Variants in TRAK2 observed in about 807,000 individuals in gnomAD.
TRAK2 encodes the protein trafficking kinesin-binding protein 2.
A neutral mutation model predicts 104.6 loss-of-function variants in TRAK2; 81 were observed. That is an observed-to-expected ratio of 0.77 (90% CI 0.65 to 0.93). The LOEUF is 0.93. Among genes scored for constraint, TRAK2 ranks in the 40% least tolerant of loss-of-function variants. The pLI is 0.00. For synonymous variants in TRAK2, 406 were observed against 394.4 expected, an observed-to-expected ratio of 1.03 and a Z score of -0.35; for missense variants, 1,002 against 1,089.0, an observed-to-expected ratio of 0.92 and a Z score of 1.12.
chr2:201,421,825 G>T (rs922143573), intron 1 of TRAK2, among the ~76,000 whole-genome samples: 1 of 151,930 alleles, frequency 6.6e-6, no homozygotes, highest in Non-Finnish European at 1.5e-5. Context: ...GAGGTGGGCC[G>T]ATCACTTGAG....
At chr2:201,424,497 T>C (rs1406749117) in intron 1 of TRAK2, among the ~76,000 whole-genome samples, 1 of 152,124 alleles carries the variant, frequency 6.6e-6, no homozygotes, top group Non-Finnish European at 1.5e-5. Context: ...TGGCCACTAG[T>C]TTATAACTAT....
rs1338924371 is a variant in TRAK2 at position 201,384,185 on chromosome 2, C to T, written c.1995G>A (p.Ser665=). The T allele has an allele frequency of 1.1e-5, 18 of 1,613,274 alleles. No individual in the cohort carries two copies. Among genetic ancestry groups the T allele is most frequent in the East Asian group, 2.2e-5 (1 of 44,854 alleles). Residue 665 remains serine (S), a synonymous_variant, in exon 15 of 16, where the codon TCG becomes TCA. Transcript: ENST00000332624. The stretch of plus-strand genomic sequence containing the variant: ...TGAAAGTGAATGTTGAGTTTGTGCA[C>T]GACAGGCACTTTCCTGGGTTGGCGG... ...VATANPGKCL[S]CTNSTFTFTT...
intron 2 of TRAK2, chr2:201,412,095 G>T: frequency 5.4e-6 from 6 of 1,100,962 alleles, no homozygotes; most frequent in Non-Finnish European, 8.4e-6. Flanking sequence ...AGTTCAGGTG[G>T]AATTAATGTG....
rs531559167 is a variant in TRAK2 at position 201,402,415 on chromosome 2, TTAAAAG to T, written c.287-1327_287-1322del. ...TTATTAATAATAGCCTTATTCCTAG[TTAAAAG>T]TAAAACAAAGTGCTGGCTTGATGGT... is the stretch of plus-strand genomic sequence containing the variant. On this transcript the variant is annotated intron_variant, in intron 3 of 15. Transcript: ENST00000332624. Among the ~76,000 whole-genome samples the T allele has an allele frequency of 5.1e-3, 774 of 152,150 alleles. 7 individuals are homozygous for T. The highest frequency in any genetic ancestry group is 0.018 in the African/African-American group (750 of 41,528).
intron 1 of TRAK2, among the ~76,000 whole-genome samples, chr2:201,426,273 C>A (rs1029879334): frequency 1.3e-5 from 2 of 152,172 alleles, no homozygotes; most frequent in Non-Finnish European, 2.9e-5. Context: ...GTGAACTGCG[C>A]GTGCGAGGGA....
At chr2:201,445,056 C>G (rs1171842913) in intron 1 of TRAK2, among the ~76,000 whole-genome samples, 1 of 152,118 alleles carries the variant, frequency 6.6e-6, no homozygotes, top group Non-Finnish European at 1.5e-5. Flanking sequence ...TATAGATAAG[C>G]TCCAAGGACC....
intron 15 of TRAK2, among the ~76,000 whole-genome samples, chr2:201,383,647 G>A (rs556952028): frequency 3.3e-5 from 5 of 152,244 alleles, no homozygotes; most frequent in East Asian, 1.9e-4. Flanking sequence ...ACCTGTATTC[G>A]TTCCTTGTAA....
At chr2:201,434,452 G>A (rs1244638269) in intron 1 of TRAK2, among the ~76,000 whole-genome samples, 4 of 152,082 alleles carry the variant, frequency 2.6e-5, no homozygotes, top group South Asian at 2.1e-4. Context: ...AATAATGGCC[G>A]AGTTAAAATA....
rs192049724 is a variant in TRAK2 at position 201,435,665 on chromosome 2, T to A, written c.-199-14959A>T. ...ACCTAACAAAGTACACATTTTATTA[T>A]CTTAACAGCTGACAACAGTGCTTCT... On this transcript the variant is annotated intron_variant, in intron 1 of 15. Coordinates refer to ENST00000332624, the MANE Select transcript of TRAK2 (RefSeq NM_015049.3). 1.5e-4 allele frequency among the ~76,000 whole-genome samples: 23 copies of A among 152,354 alleles called. No homozygotes were observed. In the East Asian group the frequency reaches 4.0e-3, roughly 27 times the overall value.
intron 2 of TRAK2, chr2:201,411,270 C>T (rs1951644411): frequency 1.3e-6 from 1 of 741,944 alleles, no homozygotes; most frequent in Admixed American, 1.9e-5. Context: ...CTCTTGTTCT[C>T]TTGCTAATTT....
intron 4 of TRAK2, 92 bp downstream of exon 4, chr2:201,400,926 C>A: frequency 2.1e-6 from 2 of 952,346 alleles, no homozygotes; most frequent in South Asian, 3.0e-5. Flanking sequence ...AGAGCACGTA[C>A]AACATTTTCC....
intron 2 of TRAK2, among the ~76,000 whole-genome samples, chr2:201,417,633 C>T: frequency 6.6e-6 from 1 of 152,172 alleles, no homozygotes; most frequent in East Asian, 1.9e-4. Context: ...TGGTCAAATA[C>T]TGTAACTTTT....
At chr2:201,395,060 T>C (rs1951488673) in intron 8 of TRAK2, 188 bp from the exon 9 acceptor site, 3 of 624,772 alleles carry the variant, frequency 4.8e-6, no homozygotes, top group South Asian at 2.2e-5. Flanking sequence ...CAGAGGACAA[T>C]GGGCATGAGT....
At chr2:201,411,837 C>T (rs914384786) in intron 2 of TRAK2, 7 of 853,072 alleles carry the variant, frequency 8.2e-6, no homozygotes, top group South Asian at 1.3e-5. Flanking sequence ...CATTTGTAGA[C>T]AGGCATTTTT....
At chr2:201,427,823 T>C (rs1951803681) in intron 1 of TRAK2, among the ~76,000 whole-genome samples, 1 of 152,200 alleles carries the variant, frequency 6.6e-6, no homozygotes. Context: ...CCACATCCTC[T>C]CCAGCCACCT....
intron 1 of TRAK2, among the ~76,000 whole-genome samples, chr2:201,445,045 A>G (rs371354645): frequency 1.1e-4 from 16 of 152,342 alleles, no homozygotes; most frequent in African/African-American, 3.6e-4. Flanking sequence ...TGACAAATAA[A>G]TATAGATAAG....
Position 201,431,348 on chromosome 2 carries a change from A to T in TRAK2, c.-199-10642T>A, listed in dbSNP as rs1283247783. ...GATCTTACAGTTCTGGAGGTCAGAA[A>T]AATGAAAAGTGTCAATGGACCAAAA... On this transcript the variant is annotated intron_variant, in intron 1 of 15. Coordinates refer to ENST00000332624, the MANE Select transcript of TRAK2 (RefSeq NM_015049.3). Among the ~76,000 whole-genome samples the T allele has an allele frequency of 2.0e-5, 3 of 152,256 alleles. 1 individual carries two copies. Among genetic ancestry groups the T allele is most frequent in the Non-Finnish European group, 4.4e-5 (3 of 68,040 alleles).
At chr2:201,391,635 C>T (rs1951449068) in intron 10 of TRAK2, among the ~76,000 whole-genome samples, 1 of 152,138 alleles carries the variant, frequency 6.6e-6, no homozygotes, top group South Asian at 2.1e-4. Flanking sequence ...CTGTTAATTA[C>T]CGTTAACTTT....
intron 10 of TRAK2, among the ~76,000 whole-genome samples, chr2:201,390,127 C>A (rs1951432177): frequency 6.6e-6 from 1 of 151,928 alleles, no homozygotes; most frequent in Admixed American, 6.5e-5. Context: ...TGCAGGCACA[C>A]AAAAACAAAA....
Sources: allele counts gnomAD v4.1 joint callset (sites outside exome capture counted in the v4.1 genomes callset), GRCh38; gene constraint gnomAD v4.1.1; transcripts MANE v1.5; gene names NCBI Gene and HGNC (gene_info 2026-07-23, HGNC 2026-07-21).